Variants in ZNF573 observed in about 807,000 individuals in gnomAD.
ZNF573 encodes the protein zinc finger protein 573.
Under a neutral mutation model 57.4 loss-of-function variants are expected in ZNF573, and 41 were observed. The ratio of observed to expected loss-of-function variants is 0.71; its 90% CI spans 0.56 to 0.93. ZNF573 has a LOEUF of 0.93. ZNF573 is among the 40% of genes least tolerant of loss of function. ZNF573 has a pLI of 0.00. For missense variants in ZNF573, 730 were observed against 794.8 expected, an observed-to-expected ratio of 0.92 and a Z score of 0.98; for synonymous variants, 249 against 261.0, an observed-to-expected ratio of 0.95 and a Z score of 0.44.
At chr19:37,768,558 G>A (rs2145324422) in intron 4 of ZNF573, among the ~76,000 whole-genome samples, 1 of 152,256 alleles carries the variant, frequency 6.6e-6, no homozygotes, top group African/African-American at 2.4e-5. Context: ...CTGCCCCAAA[G>A]AAGCTGTCCC....
intron 4 of ZNF573, among the ~76,000 whole-genome samples, chr19:37,761,134 G>A (rs544852800): frequency 6.6e-6 from 1 of 152,254 alleles, no homozygotes; most frequent in South Asian, 2.1e-4. Flanking sequence ...AGGTGGCAGT[G>A]AGCCAAGACA....
intron 4 of ZNF573, among the ~76,000 whole-genome samples, chr19:37,744,415 A>C (rs1024331980): frequency 1.2e-4 from 19 of 152,164 alleles, no homozygotes; most frequent in Admixed American, 1.2e-3. Flanking sequence ...GGGAAAAAAA[A>C]AGAGGAGTCA....
Position 37,738,778 on chromosome 19 carries a change from G to T in ZNF573, c.1712C>A (p.Ala571Glu). Residue 571 changes from alanine (A) to glutamate (E), a missense_variant, in exon 5 of 5, where the codon GCA (alanine) becomes GAA (glutamate). Transcript: ENST00000536220. ...TTTATCAGCATGAATGCTCTGATGTGCAGTAAGGTGTGAACTACGTCTAAA... is the reference window on the plus strand; with the variant it reads ...TTTATCAGCATGAATGCTCTGATGTTCAGTAAGGTGTGAACTACGTCTAAA... Reference protein sequence around the residue: ...KTFRRSSHLTAHQSIHADKKP... With the variant: ...KTFRRSSHLTEHQSIHADKKP... The T allele has an allele frequency of 1.2e-6, 2 of 1,613,950 alleles. No individual in the cohort carries two copies. The highest frequency in any genetic ancestry group is 1.7e-6 in the Non-Finnish European group (2 of 1,179,998).
chr19:37,773,225 A>G (rs1393531671), intron 2 of ZNF573, among the ~76,000 whole-genome samples: 2 of 152,218 alleles, frequency 1.3e-5, no homozygotes, highest in African/African-American at 4.8e-5. Context: ...ATGAGATCTC[A>G]TCACATACTA....
chr19:37,753,438 T>C (rs1263899668), intron 4 of ZNF573, among the ~76,000 whole-genome samples: 1 of 152,104 alleles, frequency 6.6e-6, no homozygotes, highest in Admixed American at 6.6e-5. Context: ...AGTCACTTTG[T>C]TGCGCTATCA....
At chr19:37,751,076 A>G (rs1407979104) in intron 4 of ZNF573, among the ~76,000 whole-genome samples, 1 of 149,304 alleles carries the variant, frequency 6.7e-6, no homozygotes, top group African/African-American at 2.5e-5. Context: ...TGGTATATAT[A>G]CTGTGTATAT....
At position 37,739,590 on chromosome 19, in the gene ZNF573, C is replaced by A; in HGVS notation, c.900G>T (p.Lys300Asn). ...VEHGQFHTDEKPYICEKCGKA... is the reference protein window; with the variant it reads ...VEHGQFHTDENPYICEKCGKA... The stretch of plus-strand genomic sequence containing the variant: ...TTCCACATTTCTCACATATGTATGG[C>A]TTCTCATCAGTATGAAACTGCCCAT... Residue 300 changes from lysine to asparagine, a missense_variant, in exon 5 of 5, where the codon AAG (lysine) becomes AAT (asparagine). By Grantham distance (94) the Lys-to-Asn change is moderately conservative. Coordinates refer to ENST00000536220, the MANE Select transcript of ZNF573 (RefSeq NM_001172690.2). 6.2e-7 allele frequency: 1 copy of A among 1,613,894 alleles called. No individual in the cohort carries two copies. The highest frequency in any genetic ancestry group is 8.5e-7 in the Non-Finnish European group (1 of 1,179,962).
At position 37,739,645 on chromosome 19, in the gene ZNF573, G is replaced by A; in HGVS notation, c.845C>T (p.Thr282Ile). ...AACAAGATTTGAGCGCCTACTAAAA[G>A]TCTTCCCACATTCCTTACATTTATA... ...KPYKCKECGKTFSRRSNLVEH... is the reference protein window; with the variant it reads ...KPYKCKECGKIFSRRSNLVEH... Residue 282 changes from threonine to isoleucine, a missense_variant, in exon 5 of 5, where the codon ACT (threonine) becomes ATT (isoleucine). Thr to Ile is a moderately conservative substitution (Grantham distance 89, BLOSUM62 -1). Coordinates refer to ENST00000536220, the MANE Select transcript of ZNF573 (RefSeq NM_001172690.2). 1 of 1,614,002 alleles carries A rather than the reference G, an allele frequency of 6.2e-7. No homozygotes were observed. Among genetic ancestry groups the A allele is most frequent in the Non-Finnish European group, 8.5e-7 (1 of 1,180,000 alleles).
chr19:37,758,118 G>A (rs1380572831), intron 4 of ZNF573, among the ~76,000 whole-genome samples: 1 of 148,416 alleles, frequency 6.7e-6, no homozygotes, highest in Non-Finnish European at 1.5e-5. Flanking sequence ...GTTAATGGGT[G>A]CAGCACACCA....
intron 4 of ZNF573, among the ~76,000 whole-genome samples, chr19:37,753,856 C>T (rs568025518): frequency 1.1e-4 from 16 of 152,242 alleles, no homozygotes; most frequent in Middle Eastern, 6.8e-3. Context: ...GCAATAGGTA[C>T]GAAGTTCTCA....
intron 4 of ZNF573, among the ~76,000 whole-genome samples, chr19:37,749,509 A>G (rs75116694): frequency 2.0e-5 from 3 of 152,144 alleles, no homozygotes; most frequent in African/African-American, 7.2e-5. Context: ...AACAATTTAT[A>G]AAGCAGATGT....
At chr19:37,763,940 G>C (rs1259001052) in intron 4 of ZNF573, among the ~76,000 whole-genome samples, 1 of 151,718 alleles carries the variant, frequency 6.6e-6, no homozygotes, top group African/African-American at 2.4e-5. Flanking sequence ...CCGCATGCCT[G>C]TAATCTCAGA....
At position 37,740,090 on chromosome 19, in the gene ZNF573, A is replaced by G. The variant is rs1006591918; in HGVS notation, c.400T>C (p.Tyr134His). 3.7e-6 allele frequency: 6 copies of G among 1,613,962 alleles called. No homozygotes were observed. Among genetic ancestry groups the G allele is most frequent in the Non-Finnish European group, 5.1e-6 (6 of 1,179,968 alleles). Residue 134 changes from tyrosine (Y) to histidine (H), a missense_variant, in exon 5 of 5, where the codon TAT (tyrosine) becomes CAT (histidine). By Grantham distance (83) the Tyr-to-His change is moderately conservative. Transcript: ENST00000536220. The stretch of plus-strand genomic sequence containing the variant: ...TTCTTCTGACATTTCTTACATTCAT[A>G]GAGTTTCTCTCTCTTATATATGCTC... ...LQSIYKREKL[Y>H]ECKKCQKKFS...
intron 2 of ZNF573, among the ~76,000 whole-genome samples, chr19:37,772,167 A>C (rs944891971): frequency 3.3e-5 from 5 of 151,948 alleles, no homozygotes; most frequent in African/African-American, 1.2e-4. Flanking sequence ...ACGGGGTCTC[A>C]CTCCTGCCCA....
Position 37,771,613 on chromosome 19 carries a change from G to A in ZNF573, c.153C>T (p.Asp51=), listed in dbSNP as rs921155217. The A allele has an allele frequency of 3.7e-6, 6 of 1,606,750 alleles. No homozygotes were observed. The highest frequency in any genetic ancestry group is 1.7e-4 in the Middle Eastern group (1 of 6,048). ...EWEYLDPNQR[D]LYRDVMLENY... is the part of the protein sequence containing the mutation. ...TCTCCAACATCACATCCCTGTATAAGTCCCTCTGATTAGGGTCCAGGTATT... is the reference window on the plus strand; with the variant it reads ...TCTCCAACATCACATCCCTGTATAAATCCCTCTGATTAGGGTCCAGGTATT... Residue 51 remains aspartate, a synonymous_variant, in exon 3 of 5, where the codon GAC becomes GAT. Coordinates refer to ENST00000536220, the MANE Select transcript of ZNF573 (RefSeq NM_001172690.2).
chr19:37,757,402 T>C (rs1344542619), intron 4 of ZNF573, among the ~76,000 whole-genome samples: 2 of 151,642 alleles, frequency 1.3e-5, no homozygotes, highest in Non-Finnish European at 2.9e-5. Flanking sequence ...TTTCACCGTG[T>C]TAGCCATGAT....
At chr19:37,740,724 C>A in intron 4 of ZNF573, 1 of 393,448 alleles carries the variant, frequency 2.5e-6, no homozygotes, top group African/African-American at 2.1e-5. Context: ...GAATATAGTA[C>A]AATTGCCCCT....
chr19:37,738,714 T>C lies in ZNF573; in HGVS notation c.1776A>G (p.Lys592=). ...GATGTTGGGTAAGGTAGCCATACAT[T>C]TTAAAGGCCTTTCCACATTCTTTAC... ...YECKECGKAF[K]MYGYLTQHQK... The change falls in exon 5 of 5, where the codon AAA becomes AAG. Residue 592 remains lysine, a synonymous_variant. Coordinates refer to ENST00000536220, the MANE Select transcript of ZNF573 (RefSeq NM_001172690.2). The C allele has an allele frequency of 6.2e-7, 1 of 1,612,384 alleles. No homozygotes were observed. Among genetic ancestry groups the C allele is most frequent in the Non-Finnish European group, 8.5e-7 (1 of 1,179,468 alleles).
At chr19:37,764,541 G>A (rs995085081) in intron 4 of ZNF573, among the ~76,000 whole-genome samples, 3 of 150,990 alleles carry the variant, frequency 2.0e-5, no homozygotes, top group East Asian at 2.0e-4. Context: ...GAATGGTCTC[G>A]ATCTCTTGAC....
Sources: gnomAD v4.1 joint callset for allele counts (sites outside exome capture counted in the v4.1 genomes callset) on GRCh38, gnomAD v4.1.1 for gene constraint, MANE v1.5 for transcripts, NCBI Gene and HGNC (gene_info 2026-07-23, HGNC 2026-07-21) for gene names.